The following CASP2 variants were observed in gnomAD, a reference collection of about 807,000 sequenced individuals.
CASP2 encodes the protein caspase-2.
A neutral mutation model predicts 54.4 loss-of-function variants in CASP2; 38 were observed. That is an observed-to-expected ratio of 0.70 (90% confidence interval 0.54 to 0.92). The LOEUF (loss-of-function observed/expected upper bound fraction) is 0.92. Among genes scored for constraint, CASP2 ranks in the 40% least tolerant of loss-of-function variants. CASP2 has a pLI of 0.00. For synonymous variants in CASP2, 215 were observed against 216.3 expected, an observed-to-expected ratio of 0.99 and a Z score of 0.05; for missense variants, 512 against 579.6, an observed-to-expected ratio of 0.88 and a Z score of 1.20.
At chr7:143,298,012 T>G (rs1801806679) in intron 6 of CASP2, among the ~76,000 whole-genome samples, 1 of 152,246 alleles carries the variant, frequency 6.6e-6, no homozygotes, top group Non-Finnish European at 1.5e-5. Flanking sequence ...TAATTGCATC[T>G]CAATTATCTA....
chr7:143,299,638 A>G (rs1250579650), intron 6 of CASP2, among the ~76,000 whole-genome samples: 1 of 152,216 alleles, frequency 6.6e-6, no homozygotes, highest in East Asian at 1.9e-4. Context: ...TGACCAGCTC[A>G]TGATTAGCTT....
chr7:143,304,897 C>T, intron 10 of CASP2, 43 bp from the exon 11 acceptor site: 2 of 1,614,070 alleles, frequency 1.2e-6, no homozygotes, highest in Non-Finnish European at 1.7e-6. Flanking sequence ...TCTCCTGAAG[C>T]CCGAGATTCT....
Position 143,291,674 on chromosome 7 carries a change from T to G in CASP2, c.209T>G (p.Met70Arg). 1 of 1,613,722 alleles carries G rather than the reference T, an allele frequency of 6.2e-7. No individual in the cohort carries two copies. The highest frequency in any genetic ancestry group is 8.5e-7 in the Non-Finnish European group (1 of 1,179,960). The change falls in exon 2 of 11, where the codon ATG (methionine) becomes AGG (arginine). Residue 70 changes from methionine to arginine, a missense_variant. By Grantham distance (91) the Met-to-Arg change is moderately conservative. Coordinates refer to ENST00000310447, the MANE Select transcript of CASP2 (RefSeq NM_032982.4). ...GAGAAGGACATCATCACCTTGGAAA[T>G]GAGGGAGCTCATCCAGGTATCTGGA... ...LLEKDIITLEMRELIQAKVGS... is the reference protein window; with the variant it reads ...LLEKDIITLERRELIQAKVGS...
intron 4 of CASP2, among the ~76,000 whole-genome samples, chr7:143,293,424 A>G (rs1226360928): frequency 6.6e-6 from 1 of 151,874 alleles, no homozygotes; most frequent in Non-Finnish European, 1.5e-5. Context: ...CACCATGCCC[A>G]GCTGAGACAT....
intron 2 of CASP2, among the ~76,000 whole-genome samples, chr7:143,292,094 T>G (rs531435944): frequency 6.6e-6 from 1 of 152,124 alleles, no homozygotes; most frequent in East Asian, 1.9e-4. Flanking sequence ...TGTACCTTTC[T>G]AAAGAAATGG....
intron 6 of CASP2, among the ~76,000 whole-genome samples, chr7:143,295,567 G>T (rs1239929459): frequency 6.6e-6 from 1 of 152,150 alleles, no homozygotes; most frequent in African/African-American, 2.4e-5. Context: ...TCTTCAACTT[G>T]CTTTGAGGTT....
At chr7:143,293,022 TAAAATA>T (rs1801626428) in intron 4 of CASP2, 1 of 593,656 alleles carries the variant, frequency 1.7e-6, no homozygotes, top group East Asian at 2.8e-5. Flanking sequence ...AAAAATAAAA[TAAAATA>T]AAATAAAAAG....
intron 8 of CASP2, chr7:143,300,817 C>A (rs911772136): frequency 1.9e-5 from 22 of 1,153,136 alleles, no homozygotes; most frequent in Non-Finnish European, 4.3e-6. Flanking sequence ...TCCGTGTTGG[C>A]CTTTGACTCT....
intron 6 of CASP2, chr7:143,298,847 A>C (rs1051651409): frequency 1.3e-5 from 2 of 152,174 alleles, no homozygotes; most frequent in African/African-American, 2.4e-5. Context: ...AACAGTTCTT[A>C]AGTTGGACTA....
intron 6 of CASP2, among the ~76,000 whole-genome samples, chr7:143,295,173 G>A (rs983516344): frequency 9.2e-5 from 14 of 152,086 alleles, no homozygotes; most frequent in African/African-American, 2.9e-4. Context: ...AACTGCAGGC[G>A]CATGCAACCA....
At chr7:143,300,756 TTTC>T in intron 8 of CASP2, 3 of 1,188,330 alleles carry the variant, frequency 2.5e-6, no homozygotes, top group African/African-American at 3.2e-5. Context: ...GCTTGCCTCC[TTTC>T]TTCTTTCTTC....
intron 1 of CASP2, chr7:143,289,756 C>T (rs1179997976): frequency 3.8e-6 from 1 of 263,956 alleles, no homozygotes; most frequent in African/African-American, 2.3e-5. Context: ...TTGTATAGCT[C>T]TTTTTCTTGT....
intron 1 of CASP2, among the ~76,000 whole-genome samples, chr7:143,290,055 C>CTT (rs35440867): frequency 0.01 from 1,163 of 114,428 alleles, 5 homozygotes; most frequent in African/African-American, 0.023. Context: ...TTTTCCCTCC[C>CTT]TTTTTTTTTT....
In CASP2 at chr7:143,300,459, A is replaced by T. The variant is rs4647319; in HGVS notation, c.967+165A>T. On this transcript the variant is annotated intron_variant, in intron 8 of 10. Transcript: ENST00000310447. ...TTGCTCTGTAAGTGTCTCCCAATGC[A>T]TGGGGTGTGCTGGGACTTGGGCAGC... The T allele has an allele frequency of 1.1e-3, 1,708 of 1,595,426 alleles. 20 individuals are homozygous for T. The African/African-American group carries it at 0.021, about 19-fold the overall frequency.
At position 143,306,588 on chromosome 7, in the gene CASP2, A is replaced by C. The variant is rs1431786710; in HGVS notation, c.*1517A>C. 1 of 150,786 alleles carries C rather than the reference A, an allele frequency of 6.6e-6. No homozygotes were observed. Among genetic ancestry groups the C allele is most frequent in the East Asian group, 1.9e-4 (1 of 5,154 alleles). 9.3% of individuals were successfully genotyped at this position (150,786 alleles called of 1,614,324 possible). On this transcript the variant is annotated 3_prime_UTR_variant, in exon 11 of 11. Coordinates refer to ENST00000310447, the MANE Select transcript of CASP2 (RefSeq NM_032982.4). ...TTTTTTTAAAAAAAAAAAAAAAAAA[A>C]CTTCCATTCTTTCTTCCTCCAGTCT...
intron 8 of CASP2, 56 bp downstream of exon 8, chr7:143,300,350 A>T (rs1563064929): frequency 1.9e-6 from 3 of 1,607,492 alleles, no homozygotes; most frequent in Non-Finnish European, 2.5e-6. Context: ...GCCTCCCACC[A>T]GCTCTCACTT....
At chr7:143,288,585 GC>G in intron 1 of CASP2, 56 bp downstream of exon 1, 6 of 1,479,322 alleles carry the variant, frequency 4.1e-6, no homozygotes, top group Non-Finnish European at 5.6e-6. Context: ...GGGGAGCGTG[GC>G]CCCCAGGCGT....
At chr7:143,297,125 A>C (rs1302147515) in intron 6 of CASP2, among the ~76,000 whole-genome samples, 2 of 152,246 alleles carry the variant, frequency 1.3e-5, no homozygotes, top group African/African-American at 4.8e-5. Flanking sequence ...TTTAGCATAT[A>C]ATTTCAGAGG....
chr7:143,303,919 A>G lies in CASP2; in HGVS notation c.1103A>G (p.Tyr368Cys). 1 of 1,600,260 alleles carries G rather than the reference A, an allele frequency of 6.2e-7. No individual in the cohort carries two copies. Among genetic ancestry groups the G allele is most frequent in the Non-Finnish European group, 8.5e-7 (1 of 1,172,932 alleles). Residue 368 changes from tyrosine to cysteine, a missense_variant, in exon 9 of 11, where the codon TAT becomes TGT. Tyr to Cys is a radical substitution (Grantham distance 194). This residue lies in a region of CASP2 where 417 missense variants were observed against 495.4 expected (regional missense o/e 0.84). Transcript: ENST00000310447. Reference protein sequence around the residue: ...LPTRSDMICGYACLKGTAAMR... With the variant: ...LPTRSDMICGCACLKGTAAMR... The stretch of plus-strand genomic sequence containing the variant: ...ACGCGCTCAGACATGATATGCGGCT[A>G]TGCCTGCCTCAAAGGTACTTTGAGT...
Sources: gnomAD v4.1 joint callset for allele counts (sites outside exome capture counted in the v4.1 genomes callset) on GRCh38, gnomAD v4.1.1 for gene constraint, gnomAD v4.1.1 regional missense constraint, MANE v1.5 for transcripts, NCBI Gene and HGNC (gene_info 2026-07-23, HGNC 2026-07-21) for gene names.